SEMA6A: variants seen among roughly 807,000 people sequenced by gnomAD.
SEMA6A encodes the protein semaphorin-6A.
Under a neutral mutation model 96.8 loss-of-function variants are expected in SEMA6A, and 25 were observed. That is an observed-to-expected ratio of 0.26 (90% confidence interval 0.19 to 0.36). SEMA6A has a LOEUF of 0.36. Among genes scored for constraint, SEMA6A ranks in the 10% least tolerant of loss-of-function variants. The pLI, the probability that SEMA6A is intolerant of heterozygous loss-of-function variation, is 1.00. For missense variants in SEMA6A, 1,363 were observed against 1,323.1 expected, an observed-to-expected ratio of 1.03 and a Z score of -0.47; for synonymous variants, 612 against 518.0, an observed-to-expected ratio of 1.18 and a Z score of -2.46.
intron 1 of SEMA6A, among the ~76,000 whole-genome samples, chr5:116,545,522 A>T (rs1760150833): frequency 6.6e-6 from 1 of 152,048 alleles, no homozygotes; most frequent in Non-Finnish European, 1.5e-5. Context: ...GTGAGCCGAG[A>T]TTGCGCCATT....
At chr5:116,495,359 T>G in intron 6 of SEMA6A, 54 bp downstream of exon 6, 1 of 1,332,790 alleles carries the variant, frequency 7.5e-7, no homozygotes, top group South Asian at 1.2e-5. Context: ...ACAATCACAG[T>G]AAATTATGAA....
intron 15 of SEMA6A, among the ~76,000 whole-genome samples, chr5:116,476,900 G>C (rs1756478439): frequency 6.6e-6 from 1 of 152,188 alleles, no homozygotes; most frequent in South Asian, 2.1e-4. Context: ...AGATTTTATA[G>C]TTATCATCAG....
intron 9 of SEMA6A, 58 bp from the exon 10 acceptor site, chr5:116,487,024 A>G: frequency 8.0e-7 from 1 of 1,246,488 alleles, no homozygotes; most frequent in Non-Finnish European, 1.2e-6. Flanking sequence ...AGGAGATCTT[A>G]GTAGAATCTG....
At chr5:116,526,985 G>A (rs1307563099) in intron 1 of SEMA6A, among the ~76,000 whole-genome samples, 1 of 152,072 alleles carries the variant, frequency 6.6e-6, no homozygotes, top group Non-Finnish European at 1.5e-5. Flanking sequence ...CTTGAGAAAA[G>A]TAAATTTTGC....
intron 17 of SEMA6A, chr5:116,471,252 ATAAG>A (rs987634881): frequency 7.2e-5 from 11 of 152,204 alleles, no homozygotes; most frequent in African/African-American, 2.4e-4. Context: ...GGAAGCATTA[ATAAG>A]TAAGTACCTT....
intron 1 of SEMA6A, among the ~76,000 whole-genome samples, chr5:116,562,154 T>A (rs1379969244): frequency 6.6e-6 from 1 of 152,224 alleles, no homozygotes; most frequent in East Asian, 1.9e-4. Context: ...AAAAATTATT[T>A]TAGACAACCA....
chr5:116,491,834 A>C lies in SEMA6A; in HGVS notation c.445-4T>G, dbSNP rs749288952. The C allele has an allele frequency of 6.2e-7, 1 of 1,605,296 alleles. No individual in the cohort carries two copies. Among genetic ancestry groups the C allele is most frequent in the Non-Finnish European group, 8.5e-7 (1 of 1,172,154 alleles). On this transcript the variant is annotated splice_region_variant and splice_polypyrimidine_tract_variant and intron_variant, in intron 6 of 18. Coordinates refer to ENST00000343348, the MANE Select transcript of SEMA6A (RefSeq NM_020796.5). Reference sequence around the variant, plus strand: ...CGAATGGTTCCAATGTATCCATCTAAATGAAATAATCAGACTTAATTACAA... The same window carrying C: ...CGAATGGTTCCAATGTATCCATCTACATGAAATAATCAGACTTAATTACAA...
At chr5:116,467,944 A>C (rs1192593039) in intron 17 of SEMA6A, 197 bp from the exon 18 acceptor site, 3 of 581,628 alleles carry the variant, frequency 5.2e-6, no homozygotes, top group Non-Finnish European at 9.0e-6. Context: ...AAGCCCATTG[A>C]ACTTGTAGTT....
chr5:116,475,104 T>C (rs1404832376), intron 16 of SEMA6A, among the ~76,000 whole-genome samples: 1 of 152,208 alleles, frequency 6.6e-6, no homozygotes, highest in Non-Finnish European at 1.5e-5. Context: ...TTTAAAAACA[T>C]AATTGCTTTT....
At chr5:116,519,395 T>C (rs1156455799) in intron 1 of SEMA6A, among the ~76,000 whole-genome samples, 2 of 152,192 alleles carry the variant, frequency 1.3e-5, no homozygotes, top group African/African-American at 4.8e-5. Context: ...TGAGAAAATA[T>C]CGTACAAGTG....
chr5:116,453,677 C>A (rs145611843), intron 18 of SEMA6A, among the ~76,000 whole-genome samples: 1 of 152,186 alleles, frequency 6.6e-6, no homozygotes, highest in African/African-American at 2.4e-5. Flanking sequence ...AGCTAACTTT[C>A]GGCTTGCTCT....
intron 1 of SEMA6A, among the ~76,000 whole-genome samples, chr5:116,516,805 C>T (rs1021082933): frequency 9.2e-5 from 14 of 152,220 alleles, no homozygotes; most frequent in African/African-American, 1.2e-4. Flanking sequence ...ATAAATTCTA[C>T]GAAATTATAG....
intron 16 of SEMA6A, among the ~76,000 whole-genome samples, chr5:116,474,037 A>G (rs1756312130): frequency 6.6e-6 from 1 of 152,206 alleles, no homozygotes; most frequent in Non-Finnish European, 1.5e-5. Context: ...CCTATGCTAC[A>G]TACAGAGGCT....
intron 9 of SEMA6A, among the ~76,000 whole-genome samples, chr5:116,487,531 C>A (rs1033556775): frequency 2.4e-4 from 36 of 151,424 alleles, no homozygotes; most frequent in Non-Finnish European, 2.4e-4. Context: ...AAAAAAAAAA[C>A]AAAACTGTTG....
Position 116,447,028 on chromosome 5 carries a change from G to A in SEMA6A, c.2678C>T (p.Ala893Val). Reference sequence around the variant, plus strand: ...GCTTAGACCGGTCTGAGACAGGGAGGCTCCCGGGGGACCCAGGGAGGCCTC... The same window carrying A: ...GCTTAGACCGGTCTGAGACAGGGAGACTCCCGGGGGACCCAGGGAGGCCTC... ...QREASLGPPG[A>V]SLSQTGLSKR... Residue 893 changes from alanine to valine, a missense_variant, in exon 19 of 19, where the codon GCC becomes GTC. Transcript: ENST00000343348. 1 of 1,613,886 alleles carries A rather than the reference G, an allele frequency of 6.2e-7. No homozygotes were observed. The highest frequency in any genetic ancestry group is 8.5e-7 in the Non-Finnish European group (1 of 1,179,872).
At position 116,456,763 on chromosome 5, in the gene SEMA6A, T is replaced by C. The variant is rs149146204; in HGVS notation, c.1895-8952A>G. Among the ~76,000 whole-genome samples, 197 of 152,300 alleles carry C rather than the reference T, an allele frequency of 1.3e-3. 2 individuals carry two copies. In the East Asian group the frequency reaches 0.033, roughly 26 times the overall value. ...GTTCTCAAGTGCAGAAGAAGCAGAATGCTTGATGGAGCCCACCATTGGACA... is the reference window on the plus strand; with the variant it reads ...GTTCTCAAGTGCAGAAGAAGCAGAACGCTTGATGGAGCCCACCATTGGACA... On this transcript the variant is annotated intron_variant, in intron 18 of 18. Transcript: ENST00000343348.
chr5:116,522,898 G>A (rs1212774991), intron 1 of SEMA6A, among the ~76,000 whole-genome samples: 2 of 152,130 alleles, frequency 1.3e-5, no homozygotes, highest in Non-Finnish European at 2.9e-5. Flanking sequence ...CTGAATGAGT[G>A]TCCTCCCCTG....
chr5:116,508,583 G>T (rs372031749), intron 1 of SEMA6A, among the ~76,000 whole-genome samples: 1 of 152,124 alleles, frequency 6.6e-6, no homozygotes, highest in African/African-American at 2.4e-5. Flanking sequence ...TCACAAACTC[G>T]TAGTACCTGG....
intron 18 of SEMA6A, among the ~76,000 whole-genome samples, chr5:116,454,356 A>G (rs943186147): frequency 3.3e-5 from 5 of 152,166 alleles, no homozygotes; most frequent in African/African-American, 9.7e-5. Context: ...CAAGCCTACA[A>G]TTTCCTTGAA....
Sources: allele counts gnomAD v4.1 joint callset (sites outside exome capture counted in the v4.1 genomes callset), GRCh38; gene constraint gnomAD v4.1.1; transcripts MANE v1.5; gene names NCBI Gene and HGNC (gene_info 2026-07-23, HGNC 2026-07-21).